PARD3B: variants seen among roughly 807,000 people sequenced by gnomAD.
The protein encoded by PARD3B is partitioning defective 3 homolog B.
In PARD3B, 103 loss-of-function variants were observed where a neutral mutation model predicts 130.2. The ratio of observed to expected loss-of-function variants is 0.79; its 90% CI spans 0.67 to 0.93. The LOEUF (loss-of-function observed/expected upper bound fraction) is 0.93. Ranked by LOEUF, PARD3B falls within the 40% of genes least tolerant of loss-of-function variation. The pLI, the probability that PARD3B is intolerant of heterozygous loss-of-function variation, is 0.00. For synonymous variants in PARD3B, 583 were observed against 553.2 expected (o/e 1.05, Z -0.76); for missense variants, 1,609 against 1,499.2 (o/e 1.07, Z -1.21).
chr2:205,418,101 A>G (rs560919045), intron 19 of PARD3B, among the ~76,000 whole-genome samples: 85 of 152,304 alleles, frequency 5.6e-4, no homozygotes, highest in Non-Finnish European at 9.4e-4. Context: ...CTAAAAGCTT[A>G]TAAGAAAAAT....
intron 2 of PARD3B, among the ~76,000 whole-genome samples, chr2:204,726,211 ACCTTTTCTTATGAAG>A (rs1319673631): frequency 2.6e-5 from 4 of 152,312 alleles, no homozygotes; most frequent in Non-Finnish European, 5.9e-5. Context: ...AAAGGAATGT[ACCTTTTCTTATGAAG>A]AGTAATGCAA....
chr2:204,718,004 A>T (rs143364467), intron 2 of PARD3B, among the ~76,000 whole-genome samples: 1 of 152,178 alleles, frequency 6.6e-6, no homozygotes, highest in Non-Finnish European at 1.5e-5. Context: ...GAATGTTCCA[A>T]TTATGGCTCT....
rs2048357022 is a variant in PARD3B at position 205,458,844 on chromosome 2, A to G, written c.3044+18172A>G. Among the ~76,000 whole-genome samples, 1 of 152,188 alleles carries G rather than the reference A, an allele frequency of 6.6e-6. No individual in the cohort carries two copies. Among genetic ancestry groups the G allele is most frequent in the African/African-American group, 2.4e-5 (1 of 41,450 alleles). ...TGATACCTTTCTTCAGAGAAGATGT[A>G]TTTAATAATATGTCCCATTAAGGGA... On this transcript the variant is annotated intron_variant, in intron 20 of 22. Transcript: ENST00000406610. The surrounding 1 kb of genome is among the most constrained non-coding windows in gnomAD (Gnocchi z 4.8).
chr2:205,107,181 A>T lies in PARD3B; in HGVS notation c.593+2667A>T, dbSNP rs1343812144. On this transcript the variant is annotated intron_variant, in intron 5 of 22. Coordinates refer to ENST00000406610, the MANE Select transcript of PARD3B (RefSeq NM_001302769.2). The stretch of plus-strand genomic sequence containing the variant: ...CTCAGCTACACCATTATAATAACCT[A>T]CTAACTTCTCTGTCAAATGTCAGTT... 2.0e-5 allele frequency among the ~76,000 whole-genome samples: 3 copies of T among 152,206 alleles called. No individual in the cohort carries two copies. The East Asian group carries it at 5.8e-4, about 29-fold the overall frequency.
intron 18 of PARD3B, among the ~76,000 whole-genome samples, chr2:205,387,036 T>C (rs1269819229): frequency 6.6e-6 from 1 of 152,214 alleles, no homozygotes; most frequent in East Asian, 1.9e-4. Flanking sequence ...TTTTGAAATA[T>C]GTTGGTGCTT....
At chr2:204,935,164 A>G (rs1201120211) in intron 2 of PARD3B, among the ~76,000 whole-genome samples, 2 of 79,174 alleles carry the variant, frequency 2.5e-5, no homozygotes, top group East Asian at 2.7e-4. Context: ...TTTTTTTTTT[A>G]CATTTCTCTA....
intron 2 of PARD3B, among the ~76,000 whole-genome samples, chr2:204,832,197 G>C (rs1411530904): frequency 1.3e-5 from 2 of 152,030 alleles, no homozygotes; most frequent in Admixed American, 1.3e-4. Flanking sequence ...CTGCACTCCA[G>C]TCTGGGCGAC....
At chr2:205,509,458 C>T (rs2050508246) in intron 21 of PARD3B, among the ~76,000 whole-genome samples, 1 of 152,050 alleles carries the variant, frequency 6.6e-6, no homozygotes, top group African/African-American at 2.4e-5. Context: ...ATTCCCCTAC[C>T]TCCGCATCAT....
At chr2:204,633,775 C>T (rs2034772974) in intron 1 of PARD3B, among the ~76,000 whole-genome samples, 2 of 152,058 alleles carry the variant, frequency 1.3e-5, no homozygotes, top group South Asian at 4.1e-4. Flanking sequence ...TCATGCCACT[C>T]CCCTCCAGCC....
chr2:205,328,680 A>T (rs1271870776), intron 18 of PARD3B, among the ~76,000 whole-genome samples: 1 of 152,166 alleles, frequency 6.6e-6, no homozygotes, highest in African/African-American at 2.4e-5. Context: ...ACCTATTTTT[A>T]AAAAATTAAA....
chr2:205,367,770 C>T (rs1480449259), intron 18 of PARD3B, among the ~76,000 whole-genome samples: 1 of 152,132 alleles, frequency 6.6e-6, no homozygotes, highest in Non-Finnish European at 1.5e-5. Flanking sequence ...AGAGTTTCTC[C>T]CAGTTTGTTG....
chr2:204,924,419 G>T (rs1474813760), intron 2 of PARD3B, among the ~76,000 whole-genome samples: 1 of 151,918 alleles, frequency 6.6e-6, no homozygotes, highest in Non-Finnish European at 1.5e-5. Flanking sequence ...TATTAAAGGG[G>T]CATTAATTTT....
intron 2 of PARD3B, among the ~76,000 whole-genome samples, chr2:204,755,602 A>G (rs2040634950): frequency 6.6e-6 from 1 of 152,150 alleles, no homozygotes; most frequent in Non-Finnish European, 1.5e-5. Flanking sequence ...TTATGTACTA[A>G]TATTTTTCTC....
intron 4 of PARD3B, among the ~76,000 whole-genome samples, chr2:205,067,836 C>T (rs1366431422): frequency 6.6e-6 from 1 of 152,120 alleles, no homozygotes; most frequent in Non-Finnish European, 1.5e-5. Flanking sequence ...CTCAGCCTTC[C>T]TTTCATTTCT....
chr2:204,935,015 A>G (rs1240112742), intron 2 of PARD3B, among the ~76,000 whole-genome samples: 1 of 152,192 alleles, frequency 6.6e-6, no homozygotes, highest in Non-Finnish European at 1.5e-5. Context: ...GCCCTCATTT[A>G]GAACACCTTA....
At chr2:204,671,287 G>C (rs2036283586) in intron 1 of PARD3B, among the ~76,000 whole-genome samples, 1 of 152,152 alleles carries the variant, frequency 6.6e-6, no homozygotes, top group Non-Finnish European at 1.5e-5. Context: ...ATGTCTTAGA[G>C]TCTGGATCTT....
intron 4 of PARD3B, among the ~76,000 whole-genome samples, chr2:205,070,212 C>G (rs950991093): frequency 1.3e-5 from 2 of 152,050 alleles, no homozygotes; most frequent in African/African-American, 4.8e-5. Context: ...CATACAACCC[C>G]TAAAACTTAA....
intron 1 of PARD3B, among the ~76,000 whole-genome samples, chr2:204,644,668 G>C (rs941306672): frequency 2.0e-5 from 3 of 151,968 alleles, no homozygotes; most frequent in Non-Finnish European, 4.4e-5. Flanking sequence ...TGTGTGTGGG[G>C]TCCCACAGGA....
intron 3 of PARD3B, among the ~76,000 whole-genome samples, chr2:204,975,896 CTT>C (rs1439125560): frequency 2.0e-5 from 3 of 152,144 alleles, no homozygotes; most frequent in East Asian, 3.9e-4. Flanking sequence ...CATTTAGTGT[CTT>C]TTTCTCTTTT....
Sources: gnomAD v4.1 joint callset for allele counts (sites outside exome capture counted in the v4.1 genomes callset) on GRCh38, gnomAD v4.1.1 for gene constraint, Gnocchi (gnomAD v3.1) non-coding constraint, MANE v1.5 for transcripts, NCBI Gene and HGNC (gene_info 2026-07-23, HGNC 2026-07-21) for gene names.